The following STK32A variants were observed in gnomAD, a reference collection of about 807,000 sequenced individuals.
The protein encoded by STK32A is serine/threonine-protein kinase 32A.
A neutral mutation model predicts 53.2 loss-of-function variants in STK32A; 41 were observed. That is an observed-to-expected ratio of 0.77 (90% confidence interval 0.60 to 1.00). The LOEUF (loss-of-function observed/expected upper bound fraction) is 1.00, where lower values mean the gene tolerates loss of function less well. Ranked by LOEUF, STK32A falls within the 50% of genes least tolerant of loss-of-function variation. The pLI, the probability that STK32A is intolerant of heterozygous loss-of-function variation, is 0.00. For missense variants in STK32A, 458 were observed against 485.8 expected, an observed-to-expected ratio of 0.94 and a Z score of 0.54; for synonymous variants, 166 against 162.8, an observed-to-expected ratio of 1.02 and a Z score of -0.15.
chr5:147,375,123 C>A lies in STK32A; in HGVS notation c.937C>A (p.Leu313Ile). ...GRLNCDPTFELEEMILESKPL... is the reference protein window; with the variant it reads ...GRLNCDPTFEIEEMILESKPL... ...GCTGAATTGTGATCCTACCTTTGAA[C>A]TTGAGGAAATGATTTTGGAGTCCAA... The change falls in exon 11 of 13, where the codon CTT (leucine) becomes ATT (isoleucine). Residue 313 changes from leucine (L) to isoleucine (I), a missense_variant. Coordinates refer to ENST00000397936, the MANE Select transcript of STK32A (RefSeq NM_001112724.2). 6.2e-7 allele frequency: 1 copy of A among 1,608,324 alleles called. No homozygotes were observed.
intron 6 of STK32A, among the ~76,000 whole-genome samples, chr5:147,347,650 G>C (rs1226005320): frequency 2.0e-5 from 3 of 152,122 alleles, no homozygotes; most frequent in African/African-American, 7.2e-5. Context: ...CTGCTCTAAG[G>C]CTCACTCAAG....
chr5:147,362,780 G>A (rs747262259), intron 8 of STK32A, among the ~76,000 whole-genome samples: 20 of 152,146 alleles, frequency 1.3e-4, no homozygotes, highest in Non-Finnish European at 1.8e-4. Context: ...CCTCAGCTAT[G>A]TACCTATAAA....
At chr5:147,359,116 T>C (rs1756384869) in intron 7 of STK32A, among the ~76,000 whole-genome samples, 1 of 152,176 alleles carries the variant, frequency 6.6e-6, no homozygotes, top group Non-Finnish European at 1.5e-5. Context: ...ACTCAGTGGC[T>C]TTTTTGAAGG....
At chr5:147,374,655 T>C (rs1757153777) in intron 10 of STK32A, among the ~76,000 whole-genome samples, 2 of 152,272 alleles carry the variant, frequency 1.3e-5, no homozygotes, top group African/African-American at 2.4e-5. Context: ...CTTCTCTGAC[T>C]TTAGTGTGAA....
Position 147,279,285 on chromosome 5 carries a change from C to T in STK32A, c.147C>T (p.Tyr49=), listed in dbSNP as rs759461910. 138 of 1,613,752 alleles carry T rather than the reference C, an allele frequency of 8.6e-5. No homozygotes were observed. The highest frequency in any genetic ancestry group is 1.6e-4 in the Middle Eastern group (1 of 6,084). Residue 49 remains tyrosine, a synonymous_variant, in exon 4 of 13, where the codon TAC becomes TAT. Transcript: ENST00000397936. The part of the protein sequence containing the change: ...IVQKNDTKKM[Y]AMKYMNKQKC... ...AGAAGAATGATACCAAGAAGATGTA[C>T]GCAATGAAGTACATGAATAAACAAA...
At chr5:147,340,569 T>G (rs1226175398) in intron 5 of STK32A, among the ~76,000 whole-genome samples, 2 of 152,218 alleles carry the variant, frequency 1.3e-5, no homozygotes, top group Non-Finnish European at 2.9e-5. Flanking sequence ...TCTCCTGGTA[T>G]GTGAATAAAC....
At chr5:147,357,285 A>G (rs1286582308) in intron 7 of STK32A, among the ~76,000 whole-genome samples, 8 of 152,082 alleles carry the variant, frequency 5.3e-5, no homozygotes, top group South Asian at 4.1e-4. Context: ...CTGCATTCTT[A>G]TCAGTGCTAC....
chr5:147,350,288 G>A lies in STK32A; in HGVS notation c.473-777G>A, dbSNP rs1295105587. ...TTAGAAAAACTTGAAGAAAAGGGAT[G>A]CTTTCTTGGCTAGGAAATAAATATT... On this transcript the variant is annotated intron_variant, in intron 6 of 12. Coordinates refer to ENST00000397936, the MANE Select transcript of STK32A (RefSeq NM_001112724.2). 3.3e-5 allele frequency among the ~76,000 whole-genome samples: 5 copies of A among 151,100 alleles called. No individual in the cohort carries two copies. The East Asian group carries it at 9.8e-4, about 30-fold the overall frequency.
intron 2 of STK32A, among the ~76,000 whole-genome samples, chr5:147,260,171 C>CTG (rs1754463620): frequency 2.6e-3 from 31 of 12,116 alleles, no homozygotes; most frequent in African/African-American, 0.017. Context: ...CTGTCTCTCT[C>CTG]TCTCTCTCCT....
At chr5:147,251,540 C>A (rs1386818778) in intron 2 of STK32A, among the ~76,000 whole-genome samples, 1 of 152,060 alleles carries the variant, frequency 6.6e-6, no homozygotes, top group East Asian at 1.9e-4. Context: ...ACCATTTTTT[C>A]AGTTATAGCT....
intron 6 of STK32A, among the ~76,000 whole-genome samples, chr5:147,350,661 C>T (rs970443253): frequency 6.6e-6 from 1 of 152,138 alleles, no homozygotes; most frequent in Non-Finnish European, 1.5e-5. Context: ...AGCCACCACG[C>T]CCAGCCTATT....
chr5:147,252,579 G>A (rs114990934), intron 2 of STK32A, among the ~76,000 whole-genome samples: 5,128 of 152,220 alleles, frequency 0.034, 122 homozygotes, highest in Middle Eastern at 0.055. Context: ...GTATTTAAAT[G>A]CATAGTTAAA....
At chr5:147,288,129 C>T (rs1280855717) in intron 4 of STK32A, among the ~76,000 whole-genome samples, 1 of 152,100 alleles carries the variant, frequency 6.6e-6, no homozygotes, top group Non-Finnish European at 1.5e-5. Context: ...CACATTGAAC[C>T]TCACAGTGGA....
chr5:147,347,117 G>A (rs962761179), intron 6 of STK32A, among the ~76,000 whole-genome samples: 2 of 152,164 alleles, frequency 1.3e-5, no homozygotes, highest in East Asian at 1.9e-4. Context: ...AAACACCTGC[G>A]AGTAGCAGAG....
At chr5:147,350,266 GA>G (rs1331308354) in intron 6 of STK32A, among the ~76,000 whole-genome samples, 1 of 143,568 alleles carries the variant, frequency 7.0e-6, no homozygotes, top group Admixed American at 7.6e-5. Flanking sequence ...AAATATTTTA[GA>G]AAAACTTGAA....
chr5:147,336,648 A>G (rs1185154921), intron 5 of STK32A, among the ~76,000 whole-genome samples: 1 of 152,148 alleles, frequency 6.6e-6, no homozygotes, highest in African/African-American at 2.4e-5. Context: ...GTGAAGTACA[A>G]TCTTAGGAGG....
chr5:147,318,172 TA>T (rs1754105581), intron 4 of STK32A, among the ~76,000 whole-genome samples: 1 of 152,182 alleles, frequency 6.6e-6, no homozygotes, highest in Admixed American at 6.5e-5. Context: ...TACTGCATAC[TA>T]TAGTGTGAAC....
At chr5:147,324,593 A>T (rs1052222020) in intron 5 of STK32A, among the ~76,000 whole-genome samples, 7 of 152,204 alleles carry the variant, frequency 4.6e-5, no homozygotes, top group Non-Finnish European at 8.8e-5. Flanking sequence ...TACAAATAAC[A>T]TAAGAAACCA....
At chr5:147,308,753 G>C (rs1269590141) in intron 4 of STK32A, among the ~76,000 whole-genome samples, 1 of 149,644 alleles carries the variant, frequency 6.7e-6, no homozygotes, top group Non-Finnish European at 1.5e-5. Flanking sequence ...ACATGAATGA[G>C]TACAATATTT....
Sources: gnomAD v4.1 joint callset for allele counts (sites outside exome capture counted in the v4.1 genomes callset) on GRCh38, gnomAD v4.1.1 for gene constraint, MANE v1.5 for transcripts, NCBI Gene and HGNC (gene_info 2026-07-23, HGNC 2026-07-21) for gene names.